The following ESR2 variants were observed in gnomAD, a reference collection of about 807,000 sequenced individuals.
The protein encoded by ESR2 is estrogen receptor beta.
Under a neutral mutation model 49.6 loss-of-function variants are expected in ESR2, and 36 were observed. That is an observed-to-expected ratio of 0.73 (90% confidence interval 0.56 to 0.96). The LOEUF (loss-of-function observed/expected upper bound fraction) is 0.96. ESR2 is among the 40% of genes least tolerant of loss of function. ESR2 has a pLI of 0.00. For missense variants in ESR2, 714 were observed against 693.0 expected (o/e 1.03, Z -0.34); for synonymous variants, 320 against 266.1 (o/e 1.20, Z -1.97).
At chr14:64,325,240 C>T (rs896187996) in intron 1 of ESR2, among the ~76,000 whole-genome samples, 59 of 152,182 alleles carry the variant, frequency 3.9e-4, no homozygotes, top group Admixed American at 6.6e-4. Context: ...ACCCACACAT[C>T]ATCCAAGATC....
chr14:64,309,222 T>C (rs779884500), intron 1 of ESR2, among the ~76,000 whole-genome samples: 8 of 152,158 alleles, frequency 5.3e-5, no homozygotes, highest in Non-Finnish European at 1.0e-4. Flanking sequence ...CTCATACTCA[T>C]TTACTGCTTA....
intron 1 of ESR2, among the ~76,000 whole-genome samples, chr14:64,283,659 G>A (rs1476287322): frequency 6.9e-6 from 1 of 145,456 alleles, no homozygotes; most frequent in Admixed American, 7.0e-5. Flanking sequence ...GCTGAGGTGT[G>A]ATTGCTCAAG....
At chr14:64,249,915 G>A (rs2075956397) in intron 6 of ESR2, among the ~76,000 whole-genome samples, 1 of 152,248 alleles carries the variant, frequency 6.6e-6, no homozygotes, top group African/African-American at 2.4e-5. Flanking sequence ...GTAAATATAT[G>A]AATAAATATT....
Position 64,233,077 on chromosome 14 carries a change from C to CA in ESR2, c.*59dup. ...AAAGATGAAGCCCAGGCTCCTGACA[C>CA]ACTGGAGTTCACGCTTCAGCCTGTG... On this transcript the variant is annotated 3_prime_UTR_variant, in exon 9 of 9. Transcript: ENST00000341099. 1 of 1,571,684 alleles carries CA rather than the reference C, an allele frequency of 6.4e-7. No individual in the cohort carries two copies. The highest frequency in any genetic ancestry group is 1.2e-5 in the South Asian group (1 of 85,836).
At chr14:64,270,179 A>T (rs546136078) in intron 3 of ESR2, among the ~76,000 whole-genome samples, 1 of 152,258 alleles carries the variant, frequency 6.6e-6, no homozygotes, top group African/African-American at 2.4e-5. Flanking sequence ...GATAAATGAA[A>T]TGAGCAAGTC....
rs115564390 is a variant in ESR2 at position 64,251,776 on chromosome 14, A to G, written c.1092-2097T>C. Among the ~76,000 whole-genome samples the G allele has an allele frequency of 3.4e-3, 517 of 152,292 alleles. 2 individuals are homozygous for G. Among genetic ancestry groups the G allele is most frequent in the African/African-American group, 0.012 (499 of 41,554 alleles). Reference sequence around the variant, plus strand: ...TTCATTCAAGGGGTGGCAAAGTTAGAATATTTTTATTCACTCCACAGTCTG... The same window carrying G: ...TTCATTCAAGGGGTGGCAAAGTTAGGATATTTTTATTCACTCCACAGTCTG... On this transcript the variant is annotated intron_variant, in intron 6 of 8. Transcript: ENST00000341099.
At chr14:64,252,047 G>A (rs1035547832) in intron 6 of ESR2, among the ~76,000 whole-genome samples, 2 of 152,204 alleles carry the variant, frequency 1.3e-5, no homozygotes, top group African/African-American at 2.4e-5. Flanking sequence ...TGGGTAAAGT[G>A]GCCCATGTCT....
At chr14:64,235,699 T>A (rs1033418236) in intron 7 of ESR2, among the ~76,000 whole-genome samples, 1 of 152,146 alleles carries the variant, frequency 6.6e-6, no homozygotes, top group Non-Finnish European at 1.5e-5. Flanking sequence ...GGAAGACCAC[T>A]GATTTGGAGT....
upstream of ESR2, among the ~76,000 whole-genome samples, chr14:64,295,131 C>A (rs960293091): frequency 1.2e-4 from 19 of 152,220 alleles, no homozygotes; most frequent in Non-Finnish European, 2.5e-4. Flanking sequence ...TCTTAACTGG[C>A]TTTAAGGCAG....
chr14:64,259,525 A>G (rs1373325211), intron 5 of ESR2, among the ~76,000 whole-genome samples: 2 of 152,192 alleles, frequency 1.3e-5, no homozygotes, highest in East Asian at 3.8e-4. Flanking sequence ...TCCTAGATTC[A>G]CTCCTCCACA....
intron 7 of ESR2, among the ~76,000 whole-genome samples, chr14:64,241,145 CAAAAAAAAA>C (rs56347632): frequency 9.2e-4 from 88 of 95,374 alleles, no homozygotes; most frequent in East Asian, 6.8e-3. Flanking sequence ...GACTCCGTCT[CAAAAAAAAA>C]AAAAAAAAAA....
intron 1 of ESR2, among the ~76,000 whole-genome samples, chr14:64,304,656 G>A (rs114635295): frequency 0.016 from 2,419 of 152,220 alleles, 68 homozygotes; most frequent in East Asian, 0.087. Context: ...ATCACTTGAA[G>A]TCAGGAGTTT....
At chr14:64,325,002 T>C (rs993134692) in intron 1 of ESR2, among the ~76,000 whole-genome samples, 4 of 152,220 alleles carry the variant, frequency 2.6e-5, no homozygotes, top group African/African-American at 9.6e-5. Flanking sequence ...CATTCCACTG[T>C]TGATGGAGTG....
Position 64,332,557 on chromosome 14 carries a change from T to A in ESR2, c.-91+5341A>T, listed in dbSNP as rs566000280. On this transcript the variant is annotated intron_variant, in intron 1 of 8. Transcript: ENST00000358599. ...GGCTCACGCCTGTAATCCCAGCACTTTGGGAGGCCGAGGTGGGTGGATCAC... is the reference window on the plus strand; with the variant it reads ...GGCTCACGCCTGTAATCCCAGCACTATGGGAGGCCGAGGTGGGTGGATCAC... Among the ~76,000 whole-genome samples, 119 of 152,030 alleles carry A rather than the reference T, an allele frequency of 7.8e-4. 2 individuals carry two copies. In the South Asian group the frequency reaches 0.013, roughly 17 times the overall value.
intron 1 of ESR2, among the ~76,000 whole-genome samples, chr14:64,323,874 TAG>T (rs1430965109): frequency 1.3e-5 from 2 of 152,144 alleles, no homozygotes; most frequent in Non-Finnish European, 2.9e-5. Context: ...GTGTTTTTAG[TAG>T]AGACAGGGTT....
At chr14:64,335,519 T>C (rs1349126122) in intron 1 of ESR2, among the ~76,000 whole-genome samples, 1 of 152,154 alleles carries the variant, frequency 6.6e-6, no homozygotes, top group Non-Finnish European at 1.5e-5. Flanking sequence ...AGAAGAAAGC[T>C]CTGGACTCCC....
intron 6 of ESR2, 85 bp from the exon 7 acceptor site, chr14:64,249,764 CAA>C (rs2075953037): frequency 5.1e-6 from 7 of 1,372,780 alleles, no homozygotes; most frequent in Admixed American, 2.1e-5. Flanking sequence ...TTTTTAATCT[CAA>C]GTTTCATCTT....
chr14:64,302,848 G>A (rs138293357), intron 1 of ESR2, among the ~76,000 whole-genome samples: 2,270 of 152,070 alleles, frequency 0.015, 59 homozygotes, highest in African/African-American at 0.052. Context: ...GCCCAGGCTG[G>A]AGTGCAGTGG....
intron 5 of ESR2, 69 bp downstream of exon 5, chr14:64,260,380 T>C (rs1596405769): frequency 5.7e-6 from 8 of 1,401,950 alleles, no homozygotes; most frequent in East Asian, 2.3e-5. Flanking sequence ...CTTTGTACTC[T>C]TGCCCCTTAA....
Sources: allele counts gnomAD v4.1 joint callset (sites outside exome capture counted in the v4.1 genomes callset), GRCh38; gene constraint gnomAD v4.1.1; transcripts MANE v1.5; gene names NCBI Gene and HGNC (gene_info 2026-07-23, HGNC 2026-07-21).